Variants in SYS1 observed in about 807,000 individuals in gnomAD.
SYS1 encodes SYS1 golgi trafficking protein, also known as protein SYS1 homolog.
SYS1 carries 8 observed loss-of-function variants against 17.8 expected under a neutral mutation model. That is an observed-to-expected ratio of 0.45 (90% confidence interval 0.26 to 0.81). The LOEUF (loss-of-function observed/expected upper bound fraction) is 0.81, where lower values mean the gene tolerates loss of function less well. SYS1 is among the 40% of genes least tolerant of loss of function. The pLI is 0.16. For synonymous variants in SYS1, 95 were observed against 90.9 expected, an observed-to-expected ratio of 1.05 and a Z score of -0.26; for missense variants, 161 against 203.9, an observed-to-expected ratio of 0.79 and a Z score of 1.28.
exon 4 of SYS1, chr20:45,374,728 T>A: frequency 2.2e-6 from 1 of 455,988 alleles, no homozygotes; most frequent in South Asian, 4.0e-5. Flanking sequence ...GGCCTCTGAC[T>A]GTGAGATTCA....
At position 45,363,338 on chromosome 20, in the gene SYS1, C is replaced by T. The variant is rs867925823; in HGVS notation, c.-4+23C>T. The T allele has an allele frequency of 9.9e-6, 14 of 1,420,538 alleles. No homozygotes were observed. In the African/African-American group the frequency reaches 1.3e-4, roughly 13 times the overall value. The allele number at this position is 1,420,538 out of a possible 1,614,324, so 88.0% of individuals were successfully genotyped here. On this transcript the variant is annotated intron_variant, in intron 1 of 3. Transcript: ENST00000243918. ...CTGGTGAGTAGACCCCAGAGGAGCTCGTGTACGGGCGGGGGCCGCGCAGGC... is the reference window on the plus strand; with the variant it reads ...CTGGTGAGTAGACCCCAGAGGAGCTTGTGTACGGGCGGGGGCCGCGCAGGC...
At chr20:45,364,319 G>T (rs1375890288) in intron 2 of SYS1, among the ~76,000 whole-genome samples, 1 of 151,986 alleles carries the variant, frequency 6.6e-6, no homozygotes, top group East Asian at 1.9e-4. Context: ...TGAAAAGTGG[G>T]CCGGATGCTC....
exon 4 of SYS1, chr20:45,375,485 T>C: frequency 6.2e-7 from 1 of 1,613,074 alleles, no homozygotes; most frequent in Non-Finnish European, 8.5e-7. Flanking sequence ...TTGAGTTCCT[T>C]CTCGGAGCAC....
At position 45,367,357 on chromosome 20, in the gene SYS1, T is replaced by C; in HGVS notation, c.*242T>C. ...CTGAGAGGTCAGGAAGGGGACCTCT[T>C]TGAGGGTAATAACAGAATTGGAACC... On this transcript the variant is annotated 3_prime_UTR_variant, in exon 4 of 4. Coordinates refer to ENST00000243918, the MANE Select transcript of SYS1 (RefSeq NM_033542.4). 7.4e-7 allele frequency: 1 copy of C among 1,359,314 alleles called. No individual in the cohort carries two copies. Among genetic ancestry groups the C allele is most frequent in the Non-Finnish European group, 9.5e-7 (1 of 1,054,306 alleles). The allele number at this position is 1,359,314 out of a possible 1,614,324, so 84.2% of individuals were successfully genotyped here.
At chr20:45,365,890 A>G (rs1001931075) in intron 3 of SYS1, 54 of 600,124 alleles carry the variant, frequency 9.0e-5, no homozygotes, top group Admixed American at 2.3e-4. Context: ...TTATGTCACT[A>G]TGTTTGTGCT....
Position 45,368,985 on chromosome 20 carries a change from T to G in SYS1, c.*1870T>G, listed in dbSNP as rs1300012710. The G allele has an allele frequency of 1.3e-6, 1 of 750,120 alleles. No homozygotes were observed. Among genetic ancestry groups the G allele is most frequent in the African/African-American group, 1.9e-5 (1 of 52,722 alleles). The allele number at this position is 750,120 out of a possible 1,614,324, so 46.5% of individuals were successfully genotyped here. On this transcript the variant is annotated 3_prime_UTR_variant, in exon 4 of 4. Transcript: ENST00000243918. ...CTCTGTCCCCTGAGTGTTAATTTGA[T>G]TTTTAGAAATGGCCAAAAGTCACGT...
At chr20:45,375,561 GA>G in exon 4 of SYS1, 4 of 1,600,278 alleles carry the variant, frequency 2.5e-6, no homozygotes, top group Non-Finnish European at 3.4e-6. Flanking sequence ...CCCTGGCAGG[GA>G]GAGGAAAGGC....
intron 2 of SYS1, among the ~76,000 whole-genome samples, chr20:45,364,511 G>C (rs895953010): frequency 2.7e-5 from 3 of 110,272 alleles, no homozygotes; most frequent in African/African-American, 1.1e-4. Flanking sequence ...TCCCTCTGTC[G>C]CCCAGGCTGG....
Position 45,366,932 on chromosome 20 carries a change from C to T in SYS1, c.288C>T (p.Val96=), listed in dbSNP as rs1337779005. 2.5e-6 allele frequency: 4 copies of T among 1,614,084 alleles called. No homozygotes were observed. In the African/African-American group the frequency reaches 4.0e-5, roughly 16 times the overall value. ...RRGKQCLDFT[V]TVHFFHLLGC... ...GAAAGCAGTGTCTGGATTTCACTGTCACTGTCCATTTCTTTCACCTCCTGG... is the reference window on the plus strand; with the variant it reads ...GAAAGCAGTGTCTGGATTTCACTGTTACTGTCCATTTCTTTCACCTCCTGG... The change falls in exon 4 of 4, where the codon GTC becomes GTT. Residue 96 remains valine, a synonymous_variant. Transcript: ENST00000243918.
At chr20:45,365,343 GTTGT>G (rs1475338901) in intron 2 of SYS1, 2 of 519,232 alleles carry the variant, frequency 3.9e-6, no homozygotes, top group East Asian at 7.7e-5. Flanking sequence ...CTTTACTCTT[GTTGT>G]TTATTACTTT....
chr20:45,369,774 GTATTTT>G (rs1473098857), downstream of SYS1, among the ~76,000 whole-genome samples: 1 of 150,550 alleles, frequency 6.6e-6, no homozygotes. Flanking sequence ...GCTAATTTTT[GTATTTT>G]TATTTTTATT....
exon 4 of SYS1, chr20:45,374,396 T>G: frequency 1.6e-6 from 1 of 615,216 alleles, no homozygotes. Context: ...CTCAGCCTCC[T>G]GAGTAGCTGA....
Position 45,367,518 on chromosome 20 carries a change from G to T in SYS1, c.*403G>T. On this transcript the variant is annotated 3_prime_UTR_variant, in exon 4 of 4. Transcript: ENST00000243918. ...CCCTGGGACAGCTGTTACCTTTGCA[G>T]TGTTGCCGAATCACAGCAGTTACCT... 1 of 1,009,838 alleles carries T rather than the reference G, an allele frequency of 9.9e-7. No homozygotes were observed. Among genetic ancestry groups the T allele is most frequent in the Non-Finnish European group, 1.2e-6 (1 of 843,178 alleles). The allele number at this position is 1,009,838 out of a possible 1,614,324, so 62.6% of individuals were successfully genotyped here.
chr20:45,365,800 G>A, intron 3 of SYS1, 114 bp downstream of exon 3: 3 of 1,084,212 alleles, frequency 2.8e-6, no homozygotes, highest in Non-Finnish European at 4.3e-6. Flanking sequence ...GTGGAGTAAA[G>A]TGGGTGACAG....
intron 1 of SYS1, 62 bp from the exon 2 acceptor site, chr20:45,363,467 G>A (rs1020262840): frequency 6.6e-7 from 1 of 1,521,004 alleles, no homozygotes; most frequent in Non-Finnish European, 8.8e-7. Context: ...CCCTCCTCCC[G>A]GGCGGGGCGA....
In SYS1 at chr20:45,368,791, A is replaced by G; in HGVS notation, c.*1676A>G. 1 of 985,412 alleles carries G rather than the reference A, an allele frequency of 1.0e-6. No individual in the cohort carries two copies. Among genetic ancestry groups the G allele is most frequent in the Non-Finnish European group, 1.2e-6 (1 of 829,932 alleles). 61.0% of individuals were successfully genotyped at this position (985,412 alleles called of 1,614,324 possible). On this transcript the variant is annotated 3_prime_UTR_variant, in exon 4 of 4. Coordinates refer to ENST00000243918, the MANE Select transcript of SYS1 (RefSeq NM_033542.4). ...GGGTTAATCAATTTCCCTCTAGACA[A>G]CACAAACTGCAGGCATGTGACTAAC...
chr20:45,374,501 G>C, exon 4 of SYS1: 1 of 535,540 alleles, frequency 1.9e-6, no homozygotes, highest in South Asian at 3.0e-5. Flanking sequence ...TGAACTCCTG[G>C]CCTCAAGCAG....
At chr20:45,365,214 A>G (rs1159459801) in intron 2 of SYS1, 8 of 321,478 alleles carry the variant, frequency 2.5e-5, no homozygotes, top group Non-Finnish European at 4.9e-5. Context: ...ATTGTAGCAC[A>G]GAAGGCTGCT....
chr20:45,363,145 C>G (rs1465702289), upstream of SYS1: 4 of 1,022,168 alleles, frequency 3.9e-6, no homozygotes, highest in Admixed American at 5.4e-5. Flanking sequence ...CTGCTTTCCC[C>G]GGAAACGTTT....
Sources: gnomAD v4.1 joint callset for allele counts (sites outside exome capture counted in the v4.1 genomes callset) on GRCh38, gnomAD v4.1.1 for gene constraint, MANE v1.5 for transcripts, NCBI Gene and HGNC (gene_info 2026-07-23, HGNC 2026-07-21) for gene names.